The following SPATA13 variants were observed in gnomAD, a reference collection of about 807,000 sequenced individuals.
The protein encoded by SPATA13 is spermatogenesis-associated protein 13.
In SPATA13, 50 loss-of-function variants were observed where a neutral mutation model predicts 104.0. That is an observed-to-expected ratio of 0.48 (90% CI 0.38 to 0.61). The LOEUF (loss-of-function observed/expected upper bound fraction) is 0.61, where lower values mean the gene tolerates loss of function less well. Ranked by LOEUF, SPATA13 falls within the 20% of genes least tolerant of loss-of-function variation. The pLI, the probability that SPATA13 is intolerant of heterozygous loss-of-function variation, is 0.00. For synonymous variants in SPATA13, 606 were observed against 667.5 expected, an observed-to-expected ratio of 0.91 and a Z score of 1.42; for missense variants, 1,524 against 1,690.6, an observed-to-expected ratio of 0.90 and a Z score of 1.73.
At chr13:24,007,858 T>C (rs184067523) in intron 2 of SPATA13, among the ~76,000 whole-genome samples, 96 of 152,350 alleles carry the variant, frequency 6.3e-4, no homozygotes, top group African/African-American at 2.3e-3. Flanking sequence ...ATATACTCAA[T>C]GCATGGTGAG....
At chr13:24,278,273 C>G (rs1875166385) in intron 4 of SPATA13, among the ~76,000 whole-genome samples, 1 of 152,150 alleles carries the variant, frequency 6.6e-6, no homozygotes, top group African/African-American at 2.4e-5. Flanking sequence ...CTGCACACAG[C>G]TGTGTGTTAT....
rs1366713528 is a variant in SPATA13 at position 24,107,862 on chromosome 13, T to C, written c.-112+90161T>C. On this transcript the variant is annotated intron_variant, in intron 3 of 14. Coordinates refer to the SPATA13 transcript ENST00000424834. ...CTAGGTGGTAATTTTTAAGTCCTGTTATGGAAGATGCTCACTCGCACTATT... is the reference window on the plus strand; with the variant it reads ...CTAGGTGGTAATTTTTAAGTCCTGTCATGGAAGATGCTCACTCGCACTATT... Among the ~76,000 whole-genome samples the C allele has an allele frequency of 2.0e-5, 3 of 152,260 alleles. No individual in the cohort carries two copies. In the East Asian group the frequency reaches 5.8e-4, roughly 29 times the overall value.
Position 24,300,123 on chromosome 13 carries a change from G to A in SPATA13, c.3584-278G>A, listed in dbSNP as rs73455759. ...CCTGTGGGAATATTTGCCCGGGAGC[G>A]TCGGGCTTCACACAGACATTCTGCA... On this transcript the variant is annotated intron_variant, in intron 11 of 12. Coordinates refer to ENST00000382108, the MANE Select transcript of SPATA13 (RefSeq NM_001166271.3). Among the ~76,000 whole-genome samples, 557 of 152,252 alleles carry A rather than the reference G, an allele frequency of 3.7e-3. 3 individuals are homozygous for A. The highest frequency in any genetic ancestry group is 0.013 in the African/African-American group (525 of 41,534).
At chr13:24,125,653 G>A (rs994794399) in intron 3 of SPATA13, among the ~76,000 whole-genome samples, 3 of 152,162 alleles carry the variant, frequency 2.0e-5, no homozygotes, top group Non-Finnish European at 4.4e-5. Flanking sequence ...AGGTGAGATT[G>A]TCAAGATTCA....
intron 1 of SPATA13, among the ~76,000 whole-genome samples, chr13:24,195,601 C>T (rs944211003): frequency 5.3e-5 from 8 of 152,178 alleles, no homozygotes; most frequent in African/African-American, 1.9e-4. Flanking sequence ...CACATCTTTG[C>T]CAACACTGCT....
intron 3 of SPATA13, among the ~76,000 whole-genome samples, chr13:24,056,398 A>G (rs957974822): frequency 2.0e-5 from 3 of 152,216 alleles, no homozygotes; most frequent in Non-Finnish European, 4.4e-5. Flanking sequence ...TCAAGTAGCA[A>G]AAGGATAAAC....
At chr13:24,263,010 A>G (rs1429885298) in intron 4 of SPATA13, among the ~76,000 whole-genome samples, 1 of 152,136 alleles carries the variant, frequency 6.6e-6, no homozygotes, top group Non-Finnish European at 1.5e-5. Flanking sequence ...TGGGCTGCAA[A>G]TTTTAGGTAT....
intron 3 of SPATA13, among the ~76,000 whole-genome samples, chr13:24,102,138 AGTT>A (rs1445262453): frequency 6.6e-6 from 1 of 152,152 alleles, no homozygotes; most frequent in African/African-American, 2.4e-5. Flanking sequence ...CCTTAGCAGC[AGTT>A]GTTATTTTCT....
chr13:24,224,785 T>A (rs1312039129), intron 2 of SPATA13: 1 of 663,524 alleles, frequency 1.5e-6, no homozygotes, highest in Non-Finnish European at 2.8e-6. Flanking sequence ...TGAAATAAAT[T>A]GACAATGTAC....
At chr13:24,029,687 A>G (rs1334505128) in intron 3 of SPATA13, among the ~76,000 whole-genome samples, 1 of 152,124 alleles carries the variant, frequency 6.6e-6, no homozygotes, top group Non-Finnish European at 1.5e-5. Flanking sequence ...CACTTGTGTC[A>G]TGGGGGTTTG....
chr13:24,036,635 C>A (rs938593083), intron 3 of SPATA13, among the ~76,000 whole-genome samples: 2 of 152,082 alleles, frequency 1.3e-5, no homozygotes, highest in African/African-American at 2.4e-5. Flanking sequence ...CCCAGCCCTC[C>A]CTGCTCCTTC....
chr13:24,251,952 G>A (rs766574789), intron 4 of SPATA13, 90 bp downstream of exon 4: 154 of 1,492,086 alleles, frequency 1.0e-4, no homozygotes, highest in Non-Finnish European at 1.3e-4. Flanking sequence ...CTGCACCTTC[G>A]CGCCTCCCTT....
At chr13:24,264,625 T>A (rs1031777590) in intron 4 of SPATA13, among the ~76,000 whole-genome samples, 1 of 152,258 alleles carries the variant, frequency 6.6e-6, no homozygotes, top group Non-Finnish European at 1.5e-5. Context: ...GTCCCAATAA[T>A]TGCCTTCTAT....
At chr13:24,153,008 C>T (rs2138472888) in intron 3 of SPATA13, among the ~76,000 whole-genome samples, 1 of 152,356 alleles carries the variant, frequency 6.6e-6, no homozygotes, top group African/African-American at 2.4e-5. Context: ...ACATGCAAAA[C>T]AAAAGCAGTG....
intron 2 of SPATA13, among the ~76,000 whole-genome samples, chr13:24,002,498 G>A (rs1220029889): frequency 6.6e-6 from 1 of 152,160 alleles, no homozygotes; most frequent in Non-Finnish European, 1.5e-5. Context: ...GTGTCTGAAA[G>A]CACGGTTGGC....
chr13:24,207,203 G>A (rs1870751355), intron 1 of SPATA13, among the ~76,000 whole-genome samples: 1 of 152,130 alleles, frequency 6.6e-6, no homozygotes, highest in African/African-American at 2.4e-5. Flanking sequence ...AACAACACAC[G>A]GTGGGGTCTG....
At chr13:24,040,250 G>C (rs1877867510) in intron 3 of SPATA13, among the ~76,000 whole-genome samples, 1 of 152,158 alleles carries the variant, frequency 6.6e-6, no homozygotes, top group Non-Finnish European at 1.5e-5. Context: ...CCTCCACTGA[G>C]TGCTCTCTAT....
intron 11 of SPATA13, among the ~76,000 whole-genome samples, chr13:24,298,268 C>T (rs1432656056): frequency 6.6e-6 from 1 of 152,186 alleles, no homozygotes; most frequent in Non-Finnish European, 1.5e-5. Flanking sequence ...TGTGCAATAC[C>T]TTCAGTGTTC....
At chr13:24,003,238 A>T (rs1368132048) in intron 2 of SPATA13, among the ~76,000 whole-genome samples, 1 of 152,128 alleles carries the variant, frequency 6.6e-6, no homozygotes, top group Non-Finnish European at 1.5e-5. Context: ...CCTAGGCCAG[A>T]TCACTCAGAG....
Sources: allele counts gnomAD v4.1 joint callset (sites outside exome capture counted in the v4.1 genomes callset), GRCh38; gene constraint gnomAD v4.1.1; transcripts MANE v1.5; gene names NCBI Gene and HGNC (gene_info 2026-07-23, HGNC 2026-07-21).